The following COL4A6 variants were observed in gnomAD, a reference collection of about 807,000 sequenced individuals.
The protein encoded by COL4A6 is collagen alpha-6(IV) chain.
Under a neutral mutation model 126.7 loss-of-function variants are expected in COL4A6, and 59 were observed. The observed-to-expected ratio is 0.47, with a 90% CI of 0.38 to 0.58. The LOEUF (loss-of-function observed/expected upper bound fraction) is 0.58. COL4A6 is among the 20% of genes least tolerant of loss of function. The pLI is 0.00. For missense variants in COL4A6, 1,285 were observed against 1,337.3 expected (o/e 0.96, Z 0.61); for synonymous variants, 547 against 496.6 (o/e 1.10, Z -1.35).
intron 2 of COL4A6, among the ~76,000 whole-genome samples, chrX:108,424,893 T>A (rs1024009992): frequency 3.6e-5 from 4 of 109,868 alleles, no homozygotes; most frequent in Non-Finnish European, 5.7e-5. Context: ...ACACCTGTAG[T>A]CCCAGCCACT....
At chrX:108,272,638 T>C (rs944343793) in intron 3 of COL4A6, among the ~76,000 whole-genome samples, 3 of 110,877 alleles carry the variant, frequency 2.7e-5, no homozygotes, top group African/African-American at 9.8e-5. Flanking sequence ...AGATAAGCAG[T>C]AGGATTCCCA....
chrX:108,259,747 T>G, intron 3 of COL4A6, among the ~76,000 whole-genome samples: 1 of 112,010 alleles, frequency 8.9e-6, no homozygotes, highest in African/African-American at 3.2e-5. Flanking sequence ...GGAAAATAAC[T>G]TTAATCTTAA....
intron 20 of COL4A6, among the ~76,000 whole-genome samples, chrX:108,189,220 G>T (rs1426738729): frequency 9.0e-6 from 1 of 111,463 alleles, no homozygotes; most frequent in East Asian, 2.8e-4. Context: ...ATTCTGAAGG[G>T]CCCCTTCTTA....
chrX:108,371,634 G>C (rs1237199709), intron 2 of COL4A6, among the ~76,000 whole-genome samples: 1 of 106,159 alleles, frequency 9.4e-6, no homozygotes, highest in Admixed American at 1.0e-4. Context: ...GTGCATGCCT[G>C]TAGTTCCAGC....
chrX:108,271,148 G>T (rs2037440201), intron 3 of COL4A6, among the ~76,000 whole-genome samples: 1 of 112,185 alleles, frequency 8.9e-6, no homozygotes, highest in African/African-American at 3.2e-5. Flanking sequence ...CGGCAAGTTT[G>T]CTGGGCAATA....
intron 2 of COL4A6, among the ~76,000 whole-genome samples, chrX:108,323,911 C>T (rs2039088370): frequency 8.9e-6 from 1 of 111,844 alleles, no homozygotes; most frequent in Non-Finnish European, 1.9e-5. Flanking sequence ...CTCAGTTGCG[C>T]AATGCGTGGA....
At chrX:108,186,421 G>C (rs1292831886) in intron 23 of COL4A6, among the ~76,000 whole-genome samples, 3 of 112,024 alleles carry the variant, frequency 2.7e-5, no homozygotes, top group African/African-American at 9.7e-5. Context: ...TTAAACTTCA[G>C]ATTATTATAA....
At chrX:108,280,981 G>T (rs1243197235) in intron 3 of COL4A6, among the ~76,000 whole-genome samples, 1 of 110,593 alleles carries the variant, frequency 9.0e-6, no homozygotes, top group Non-Finnish European at 1.9e-5. Flanking sequence ...ATTAGGTGTT[G>T]ATTGGACGTA....
intron 3 of COL4A6, among the ~76,000 whole-genome samples, chrX:108,262,347 T>C (rs1344610570): frequency 9.0e-6 from 1 of 111,390 alleles, no homozygotes; most frequent in Admixed American, 9.6e-5. Flanking sequence ...GCTGGTCCTC[T>C]CAACCTCAGG....
intron 3 of COL4A6, among the ~76,000 whole-genome samples, chrX:108,304,020 C>T (rs751952999): frequency 5.1e-4 from 57 of 111,891 alleles, no homozygotes; most frequent in Middle Eastern, 4.6e-3. Context: ...TGAGATCACA[C>T]ATCCCAAATC....
chrX:108,322,519 C>A (rs901504198), intron 2 of COL4A6, among the ~76,000 whole-genome samples: 1 of 112,297 alleles, frequency 8.9e-6, no homozygotes, highest in Admixed American at 9.5e-5. Context: ...TGCCAGGTTT[C>A]ACTTGAAAAG....
intron 2 of COL4A6, among the ~76,000 whole-genome samples, chrX:108,436,063 T>C (rs1186087590): frequency 8.9e-6 from 1 of 112,059 alleles, no homozygotes; most frequent in Non-Finnish European, 1.9e-5. Context: ...CATCTTCTGA[T>C]AACTTATTCT....
chrX:108,431,992 G>A (rs756032707), intron 2 of COL4A6, among the ~76,000 whole-genome samples: 1 of 112,421 alleles, frequency 8.9e-6, no homozygotes, highest in African/African-American at 3.2e-5. Flanking sequence ...ATGTCTTTTT[G>A]TACACCCGCA....
At chrX:108,263,190 T>TA (rs2037212361) in intron 3 of COL4A6, among the ~76,000 whole-genome samples, 1 of 111,092 alleles carries the variant, frequency 9.0e-6, no homozygotes, top group African/African-American at 3.3e-5. Context: ...CAAAGAACAA[T>TA]AAAATCTTTC....
Position 108,191,356 on chromosome X carries a change from T to C in COL4A6, c.1321+37A>G, listed in dbSNP as rs375590994. ...ACTGTTCTGCAGTCTGGATCACATC[T>C]GAATCTTGAGACCAAAAAGAGAAAT... On this transcript the variant is annotated intron_variant, in intron 19 of 44. Transcript: ENST00000334504. 1,610 of 1,197,806 alleles carry C rather than the reference T, an allele frequency of 1.3e-3. 7 individuals are homozygous for C. The South Asian group carries it at 0.02, about 15-fold the overall frequency.
chrX:108,172,238 T>TGGC (rs1457380092), intron 32 of COL4A6, among the ~76,000 whole-genome samples: 2 of 108,804 alleles, frequency 1.8e-5, no homozygotes, highest in Non-Finnish European at 3.8e-5. Flanking sequence ...TAATCCCAGC[T>TGGC]ACTTAGGAAG....
intron 2 of COL4A6, among the ~76,000 whole-genome samples, chrX:108,365,512 A>G (rs938223996): frequency 1.8e-5 from 2 of 111,845 alleles, no homozygotes; most frequent in Non-Finnish European, 3.8e-5. Context: ...GAAAGTAGGT[A>G]AAAAAATTTC....
chrX:108,377,821 AG>A (rs1242668319), intron 2 of COL4A6, among the ~76,000 whole-genome samples: 1 of 107,184 alleles, frequency 9.3e-6, no homozygotes, highest in South Asian at 4.2e-4. Flanking sequence ...GCACACCTGT[AG>A]TCCTAGCTAC....
intron 3 of COL4A6, among the ~76,000 whole-genome samples, chrX:108,304,971 T>C (rs185902905): frequency 3.2e-3 from 360 of 112,049 alleles, no homozygotes; most frequent in Admixed American, 6.9e-3. Flanking sequence ...AATTGCTTGG[T>C]CAGTTGGTCA....
Sources: allele counts gnomAD v4.1 joint callset (sites outside exome capture counted in the v4.1 genomes callset), GRCh38; gene constraint gnomAD v4.1.1; transcripts MANE v1.5; gene names NCBI Gene and HGNC (gene_info 2026-07-23, HGNC 2026-07-21).